WDPCP: variants seen among roughly 807,000 people sequenced by gnomAD.
The protein encoded by WDPCP is WD repeat containing planar cell polarity effector.
A neutral mutation model predicts 93.1 loss-of-function variants in WDPCP; 71 were observed. That is an observed-to-expected ratio of 0.76 (90% CI 0.63 to 0.93). The LOEUF is 0.93. Ranked by LOEUF, WDPCP falls within the 40% of genes least tolerant of loss-of-function variation. The pLI is 0.00. For missense variants in WDPCP, 844 were observed against 887.4 expected (o/e 0.95, Z 0.62); for synonymous variants, 315 against 315.0 (o/e 1.00, Z 0.00).
intron 1 of WDPCP, among the ~76,000 whole-genome samples, chr2:63,570,375 G>T (rs1707392910): frequency 6.6e-6 from 1 of 152,160 alleles, no homozygotes; most frequent in Admixed American, 6.5e-5. Context: ...CCCCACCAAA[G>T]AATAGCCTGA....
chr2:63,567,346 C>T (rs536644852), intron 1 of WDPCP, among the ~76,000 whole-genome samples: 6 of 152,314 alleles, frequency 3.9e-5, no homozygotes, highest in African/African-American at 9.6e-5. Flanking sequence ...ATACAAAAGA[C>T]ATTCTTATCA....
intron 12 of WDPCP, among the ~76,000 whole-genome samples, chr2:63,328,378 C>G (rs898785544): frequency 6.6e-6 from 1 of 152,190 alleles, no homozygotes; most frequent in African/African-American, 2.4e-5. Context: ...TCTTTGGGTC[C>G]GCGCTGCCTT....
At chr2:63,577,783 C>A (rs911673667) in intron 1 of WDPCP, among the ~76,000 whole-genome samples, 2 of 152,046 alleles carry the variant, frequency 1.3e-5, no homozygotes, top group African/African-American at 4.8e-5. Flanking sequence ...ACAAACAGTC[C>A]TAATCCCAAT....
chr2:63,832,948 G>A, the WDPCP span, among the ~76,000 whole-genome samples: 1 of 152,196 alleles, frequency 6.6e-6, no homozygotes. Flanking sequence ...CTAACAGAGT[G>A]AGAAGATCTT....
intron 13 of WDPCP, among the ~76,000 whole-genome samples, chr2:63,294,268 C>A (rs1227715430): frequency 6.6e-6 from 1 of 152,102 alleles, no homozygotes; most frequent in African/African-American, 2.4e-5. Flanking sequence ...CTTTGGGAGG[C>A]TGAGGCAGGC....
At chr2:63,567,602 G>C (rs1397270183) in intron 1 of WDPCP, among the ~76,000 whole-genome samples, 1 of 152,102 alleles carries the variant, frequency 6.6e-6, no homozygotes, top group African/African-American at 2.4e-5. Context: ...CTTAGCTACA[G>C]TTACAGTTTA....
chr2:63,623,333 A>G (rs1174516156), intron 3 of WDPCP, among the ~76,000 whole-genome samples: 1 of 152,202 alleles, frequency 6.6e-6, no homozygotes, highest in East Asian at 1.9e-4. Flanking sequence ...ACACAAAACA[A>G]TATTAAACTC....
At chr2:63,807,104 A>C (rs993292361) in intron 2 of WDPCP, among the ~76,000 whole-genome samples, 7 of 152,248 alleles carry the variant, frequency 4.6e-5, no homozygotes, top group African/African-American at 1.7e-4. Flanking sequence ...CAGGCATAAG[A>C]AATTACAAAA....
chr2:63,323,469 A>C (rs1687281371), intron 12 of WDPCP, among the ~76,000 whole-genome samples: 1 of 152,138 alleles, frequency 6.6e-6, no homozygotes, highest in Non-Finnish European at 1.5e-5. Context: ...GGCCTAACAA[A>C]AGCTATTCCT....
At chr2:63,499,742 A>G (rs1188753103) in intron 1 of WDPCP, among the ~76,000 whole-genome samples, 1 of 152,192 alleles carries the variant, frequency 6.6e-6, no homozygotes, top group Non-Finnish European at 1.5e-5. Flanking sequence ...TGGAGTGACC[A>G]TCAATGGATG....
chr2:63,465,388 C>T (rs545436423), intron 6 of WDPCP, among the ~76,000 whole-genome samples: 10 of 152,070 alleles, frequency 6.6e-5, no homozygotes, highest in Non-Finnish European at 8.8e-5. Flanking sequence ...CTATGCTGCA[C>T]ATCAGAGAAG....
chr2:63,244,458 G>C (rs1046351022), intron 14 of WDPCP, among the ~76,000 whole-genome samples: 1 of 152,142 alleles, frequency 6.6e-6, no homozygotes, highest in Non-Finnish European at 1.5e-5. Context: ...ATGATTGGTA[G>C]ACTGCTAGCT....
intron 13 of WDPCP, among the ~76,000 whole-genome samples, chr2:63,265,573 A>AT (rs1245627640): frequency 6.6e-6 from 1 of 152,220 alleles, no homozygotes; most frequent in Non-Finnish European, 1.5e-5. Flanking sequence ...TCACTGCTGA[A>AT]TTATACCAAA....
intron 12 of WDPCP, among the ~76,000 whole-genome samples, chr2:63,330,566 A>G (rs2104328291): frequency 6.6e-6 from 1 of 151,984 alleles, no homozygotes; most frequent in East Asian, 1.9e-4. Flanking sequence ...TCTTTGCAGT[A>G]CAGAAACTTT....
At chr2:63,453,508 A>G (rs995883864) in intron 6 of WDPCP, among the ~76,000 whole-genome samples, 1 of 152,218 alleles carries the variant, frequency 6.6e-6, no homozygotes, top group Non-Finnish European at 1.5e-5. Flanking sequence ...ACTATAAACT[A>G]GTTCAATCAT....
At chr2:63,669,819 G>T (rs746220383) in intron 2 of WDPCP, among the ~76,000 whole-genome samples, 1 of 152,164 alleles carries the variant, frequency 6.6e-6, no homozygotes, top group Non-Finnish European at 1.5e-5. Context: ...TCCACGTCAT[G>T]GTCTGTGAAT....
chr2:63,370,985 T>G (rs1691330162), intron 12 of WDPCP, among the ~76,000 whole-genome samples: 1 of 152,160 alleles, frequency 6.6e-6, no homozygotes, highest in South Asian at 2.1e-4. Flanking sequence ...TCATAAATTT[T>G]GAGTCTTTCT....
chr2:63,752,506 C>G (rs1404303415), intron 2 of WDPCP: 1 of 755,136 alleles, frequency 1.3e-6, no homozygotes, highest in Non-Finnish European at 2.4e-6. Context: ...CTCTCATGAC[C>G]ACACAGCTTG....
intron 8 of WDPCP, among the ~76,000 whole-genome samples, chr2:63,437,042 G>GTATCCTACCCTAGAAAGC (rs1256033469): frequency 6.6e-6 from 1 of 151,914 alleles, no homozygotes; most frequent in Non-Finnish European, 1.5e-5. Context: ...GAAGTGGAAA[G>GTATCCTACCCTAGAAAGC]TATCCTACCC....
Sources: allele counts gnomAD v4.1 joint callset (sites outside exome capture counted in the v4.1 genomes callset), GRCh38; gene constraint gnomAD v4.1.1; transcripts MANE v1.5; gene names NCBI Gene and HGNC (gene_info 2026-07-23, HGNC 2026-07-21).